MGST1: variants seen among roughly 807,000 people sequenced by gnomAD.
MGST1 encodes the protein glutathione S-transferase 12.
In MGST1, 5 loss-of-function variants were observed where a neutral mutation model predicts 8.9. The ratio of observed to expected loss-of-function variants is 0.56; its 90% confidence interval spans 0.29 to 1.19. The LOEUF (loss-of-function observed/expected upper bound fraction) is 1.19, where lower values mean the gene tolerates loss of function less well. Ranked by LOEUF, MGST1 falls within the 50% of genes most tolerant of loss-of-function variation. The pLI is 0.08. For synonymous variants in MGST1, 54 were observed against 67.8 expected, an observed-to-expected ratio of 0.80 and a Z score of 1.00; for missense variants, 182 against 187.4, an observed-to-expected ratio of 0.97 and a Z score of 0.17.
intron 4 of MGST1, chr12:16,549,041 A>G (rs1269558288): frequency 6.6e-6 from 1 of 152,134 alleles, no homozygotes; most frequent in Non-Finnish European, 1.5e-5. Flanking sequence ...AACAAAAGCA[A>G]AACCAGTTAA....
At chr12:16,450,522 G>GGGAGTGT (rs1304968401) in intron 4 of MGST1, among the ~76,000 whole-genome samples, 1 of 151,938 alleles carries the variant, frequency 6.6e-6, no homozygotes, top group Non-Finnish European at 1.5e-5. Context: ...CTGAGAGGTA[G>GGGAGTGT]AAAGTGTAAG....
At chr12:16,488,511 C>CCCACGG (rs1369164809) in intron 4 of MGST1, among the ~76,000 whole-genome samples, 1 of 152,146 alleles carries the variant, frequency 6.6e-6, no homozygotes, top group Non-Finnish European at 1.5e-5. Flanking sequence ...AGGTAGTTTT[C>CCCACGG]AAATGTCAGA....
At chr12:16,568,918 G>A (rs2137415336) in intron 4 of MGST1, among the ~76,000 whole-genome samples, 1 of 152,138 alleles carries the variant, frequency 6.6e-6, no homozygotes, top group Non-Finnish European at 1.5e-5. Context: ...TAAGCTTAAA[G>A]ATAAGAAAAA....
chr12:16,457,533 G>A (rs1452693242), intron 4 of MGST1, among the ~76,000 whole-genome samples: 1 of 151,808 alleles, frequency 6.6e-6, no homozygotes, highest in East Asian at 1.9e-4. Flanking sequence ...TTTTCTTTTT[G>A]GCTGTGTGTG....
chr12:16,494,443 G>C (rs1326083809), intron 4 of MGST1, among the ~76,000 whole-genome samples: 2 of 152,118 alleles, frequency 1.3e-5, no homozygotes, highest in East Asian at 3.8e-4. Context: ...TCATAAGTTT[G>C]AGTATGACTA....
intron 4 of MGST1, among the ~76,000 whole-genome samples, chr12:16,518,667 G>T (rs1941630369): frequency 6.6e-6 from 1 of 152,038 alleles, no homozygotes; most frequent in African/African-American, 2.4e-5. Flanking sequence ...TTTTACTCTG[G>T]CCGTTATCTG....
intron 4 of MGST1, among the ~76,000 whole-genome samples, chr12:16,493,043 CCAAT>C (rs1338575486): frequency 6.6e-6 from 1 of 152,118 alleles, no homozygotes; most frequent in East Asian, 1.9e-4. Context: ...TAGGCTAAGG[CCAAT>C]CAGAGCTCTC....
At chr12:16,421,085 C>A (rs1406822902) in intron 1 of MGST1, among the ~76,000 whole-genome samples, 2 of 152,092 alleles carry the variant, frequency 1.3e-5, no homozygotes, top group Non-Finnish European at 2.9e-5. Flanking sequence ...CTCTTTTGAT[C>A]TAGATTACTT....
intron 1 of MGST1, among the ~76,000 whole-genome samples, chr12:16,387,104 A>C (rs1940510308): frequency 6.6e-6 from 1 of 152,226 alleles, no homozygotes; most frequent in Non-Finnish European, 1.5e-5. Flanking sequence ...CCTAATTTGT[A>C]AATTAAACTT....
rs1326610361 is a variant in MGST1, at chr12:16,363,639, CAAGG to C, written c.222-152_222-149del. On this transcript the variant is annotated intron_variant, in intron 3 of 3. Transcript: ENST00000396210. This position sits in a 1 kb window ranked among gnomAD's most constrained non-coding sequence, Gnocchi z 4.6. ...AGATTCTAAATAAAAGTCAAGTGGG[CAAGG>C]AAGCAAGACAATTTGAGAGAAAAAA... The C allele has an allele frequency of 1.8e-6, 1 of 542,342 alleles. No homozygotes were observed. Among genetic ancestry groups the C allele is most frequent in the Non-Finnish European group, 2.9e-6 (1 of 340,404 alleles). The allele number at this position is 542,342 out of a possible 1,614,324, so 33.6% of individuals were successfully genotyped here. A position where few individuals can be genotyped will look rare whatever the true frequency, so the allele number is the denominator to read the frequency against.
At chr12:16,448,974 C>A (rs543763096) in intron 4 of MGST1, among the ~76,000 whole-genome samples, 1 of 151,956 alleles carries the variant, frequency 6.6e-6, no homozygotes, top group African/African-American at 2.4e-5. Context: ...CTAACAATGA[C>A]AAGAATAGTC....
chr12:16,538,832 T>TC (rs1426466680), intron 4 of MGST1, among the ~76,000 whole-genome samples: 2 of 151,852 alleles, frequency 1.3e-5, no homozygotes, highest in Non-Finnish European at 2.9e-5. Context: ...AGGGTATCGA[T>TC]CTCCTGACCT....
intron 4 of MGST1, among the ~76,000 whole-genome samples, chr12:16,501,115 A>AAAGAAAG (rs1165933884): frequency 6.6e-6 from 1 of 151,730 alleles, no homozygotes; most frequent in Non-Finnish European, 1.5e-5. Flanking sequence ...AAAAAAAAAA[A>AAAGAAAG]AAAGAAAGAA....
Position 16,401,610 on chromosome 12 carries a change from A to G in MGST1, n.778+18006A>G. 1.3e-6 allele frequency: 2 copies of G among 1,536,492 alleles called. No individual in the cohort carries two copies. The highest frequency in any genetic ancestry group is 1.1e-5 in the South Asian group (1 of 89,414). On this transcript the variant is annotated intron_variant and non_coding_transcript_variant, in intron 1 of 1. Coordinates refer to the MGST1 transcript ENST00000359720. The surrounding 1 kb of genome is among the most constrained non-coding windows in gnomAD (Gnocchi z 4.3). ...GAAGCGAATACCCATGGCACAAGTG[A>G]TAGCCCCAAAATACATGTGATTCTT...
At chr12:16,471,263 G>A (rs1457628172) in intron 4 of MGST1, among the ~76,000 whole-genome samples, 1 of 152,152 alleles carries the variant, frequency 6.6e-6, no homozygotes, top group Non-Finnish European at 1.5e-5. Flanking sequence ...CTCCGGCAGT[G>A]GCCAACATTG....
Position 16,389,727 on chromosome 12 carries a change from G to A in MGST1, n.778+6123G>A, listed in dbSNP as rs934077695. On this transcript the variant is annotated intron_variant and non_coding_transcript_variant, in intron 1 of 1. Coordinates refer to the MGST1 transcript ENST00000359720. The surrounding 1 kb of genome is among the most constrained non-coding windows in gnomAD (Gnocchi z 4.6). ...TGATGCTGACTCATTGGGGTTTGAA[G>A]TATGAACACGTGTTTAGTGAGCAAT... 1.3e-5 allele frequency among the ~76,000 whole-genome samples: 2 copies of A among 152,092 alleles called. No homozygotes were observed. Among genetic ancestry groups the A allele is most frequent in the African/African-American group, 2.4e-5 (1 of 41,436 alleles).
intron 4 of MGST1, among the ~76,000 whole-genome samples, chr12:16,478,762 A>G (rs1196359400): frequency 6.6e-6 from 1 of 152,108 alleles, no homozygotes; most frequent in Non-Finnish European, 1.5e-5. Context: ...AAATAATTAA[A>G]CTTTTAAGGA....
At chr12:16,515,770 A>G (rs1303577168) in intron 4 of MGST1, among the ~76,000 whole-genome samples, 1 of 152,110 alleles carries the variant, frequency 6.6e-6, no homozygotes, top group Non-Finnish European at 1.5e-5. Context: ...GATTGTGTAA[A>G]TTCCTCCAGT....
intron 4 of MGST1, among the ~76,000 whole-genome samples, chr12:16,487,785 T>C (rs986985658): frequency 3.3e-5 from 5 of 152,148 alleles, no homozygotes; most frequent in African/African-American, 1.2e-4. Context: ...TAACTGGGAC[T>C]ACAGGTGTGC....
Sources: allele counts gnomAD v4.1 joint callset (sites outside exome capture counted in the v4.1 genomes callset), GRCh38; gene constraint gnomAD v4.1.1; non-coding constraint Gnocchi (gnomAD v3.1); transcripts MANE v1.5; gene names NCBI Gene and HGNC (gene_info 2026-07-23, HGNC 2026-07-21).